The following AGPS variants were observed in gnomAD, a reference collection of about 807,000 sequenced individuals.
The protein encoded by AGPS is alkylglycerone phosphate synthase, also known as alkyldihydroxyacetonephosphate synthase, peroxisomal.
Under a neutral mutation model 90.7 loss-of-function variants are expected in AGPS, and 26 were observed. The observed-to-expected ratio is 0.29, with a 90% confidence interval of 0.21 to 0.40. The LOEUF is 0.40. Ranked by LOEUF, AGPS falls within the 10% of genes least tolerant of loss-of-function variation. AGPS has a pLI of 1.00. For missense variants in AGPS, 540 were observed against 816.1 expected (o/e 0.66, Z 4.12); for synonymous variants, 294 against 285.3 (o/e 1.03, Z -0.31).
chr2:177,444,437 A>AAAG (rs1553510559), intron 7 of AGPS, among the ~76,000 whole-genome samples: 5 of 149,894 alleles, frequency 3.3e-5, no homozygotes, highest in African/African-American at 5.0e-5. Flanking sequence ...AAAAAAAAAA[A>AAAG]AAAGAAAGAA....
chr2:177,503,874 GT>G (rs1688633252), intron 14 of AGPS, among the ~76,000 whole-genome samples: 1 of 152,064 alleles, frequency 6.6e-6, no homozygotes, highest in Non-Finnish European at 1.5e-5. Context: ...TTTCTCTGTG[GT>G]TTGTCTCCCT....
intron 8 of AGPS, among the ~76,000 whole-genome samples, chr2:177,451,473 A>G (rs185554470): frequency 5.5e-4 from 83 of 152,078 alleles, no homozygotes; most frequent in African/African-American, 1.9e-3. Context: ...ATAGATGACT[A>G]TGTTGTGTGT....
At chr2:177,394,963 G>GA (rs1337434923) in intron 1 of AGPS, among the ~76,000 whole-genome samples, 3 of 152,032 alleles carry the variant, frequency 2.0e-5, no homozygotes, top group Non-Finnish European at 4.4e-5. Context: ...ACTTAATTGA[G>GA]AAAATGCTAG....
chr2:177,435,895 A>G (rs1026849439), intron 3 of AGPS, among the ~76,000 whole-genome samples: 3 of 152,140 alleles, frequency 2.0e-5, no homozygotes, highest in African/African-American at 4.8e-5. Context: ...CACTATGGTG[A>G]CAATGTCATT....
intron 16 of AGPS, among the ~76,000 whole-genome samples, chr2:177,511,774 C>G (rs1230705920): frequency 6.6e-6 from 1 of 152,202 alleles, no homozygotes. Flanking sequence ...AGAATACTTT[C>G]AGAAACCTTT....
chr2:177,515,272 CTT>C (rs548661947), intron 17 of AGPS, among the ~76,000 whole-genome samples: 1 of 151,946 alleles, frequency 6.6e-6, no homozygotes. Context: ...TCATTTTTCT[CTT>C]GATAGCCCAG....
At chr2:177,401,161 G>A (rs1417108691) in intron 1 of AGPS, among the ~76,000 whole-genome samples, 4 of 152,146 alleles carry the variant, frequency 2.6e-5, no homozygotes, top group Non-Finnish European at 4.4e-5. Flanking sequence ...GGCACATGTG[G>A]CTAGTGATAT....
rs1050186887 is a variant in AGPS at position 177,542,434 on chromosome 2, C to G, written c.*4239C>G. The stretch of plus-strand genomic sequence containing the variant: ...CCTTAACAAATCAGAGTAAGGACCA[C>G]TGACATATAGAACCCTCAAGCCAAA... On this transcript the variant is annotated 3_prime_UTR_variant, in exon 20 of 20. Coordinates refer to ENST00000264167, the MANE Select transcript of AGPS (RefSeq NM_003659.4). 1.3e-5 allele frequency: 2 copies of G among 152,158 alleles called. No homozygotes were observed. Among genetic ancestry groups the G allele is most frequent in the Non-Finnish European group, 2.9e-5 (2 of 68,028 alleles). The allele number at this position is 152,158 out of a possible 1,614,324, so 9.4% of individuals were successfully genotyped here. A position where few individuals can be genotyped will look rare whatever the true frequency, so the allele number is the denominator to read the frequency against.
intron 12 of AGPS, among the ~76,000 whole-genome samples, chr2:177,496,398 G>C (rs1244427930): frequency 6.6e-6 from 1 of 152,046 alleles, no homozygotes; most frequent in Non-Finnish European, 1.5e-5. Context: ...TGAATGTTTT[G>C]ATGATACGTT....
chr2:177,437,137 C>T, intron 5 of AGPS, 83 bp downstream of exon 5: 1 of 1,299,114 alleles, frequency 7.7e-7, no homozygotes, highest in South Asian at 1.2e-5. Context: ...TACTTTTTGG[C>T]ATATGAGTTG....
At chr2:177,516,106 A>AT (rs1170302289) in intron 17 of AGPS, among the ~76,000 whole-genome samples, 6 of 152,202 alleles carry the variant, frequency 3.9e-5, no homozygotes, top group Non-Finnish European at 5.9e-5. Flanking sequence ...ATAGACCCCC[A>AT]TATCTAAAAT....
rs765895661 is a variant in AGPS, at chr2:177,538,126, T to C, written c.1908T>C (p.Phe636=). 4.2e-5 allele frequency: 68 copies of C among 1,613,086 alleles called. No homozygotes were observed. In the South Asian group the frequency reaches 4.3e-4, roughly 10 times the overall value. Residue 636 remains phenylalanine, a synonymous_variant, in exon 20 of 20, where the codon TTT becomes TTC. Coordinates refer to ENST00000264167, the MANE Select transcript of AGPS (RefSeq NM_003659.4). The part of the protein sequence containing the change: ...WLKESISDVG[F]GMLKSVKEYV... ...AGGAAAGTATCTCTGATGTCGGCTT[T>C]GGGATGCTGAAGTCTGTCAAGGAAT...
intron 8 of AGPS, among the ~76,000 whole-genome samples, chr2:177,452,444 A>T (rs1686979566): frequency 6.6e-6 from 1 of 152,286 alleles, no homozygotes; most frequent in East Asian, 1.9e-4. Context: ...TTTATGTGTG[A>T]TAACATGCTT....
chr2:177,445,430 A>T, intron 7 of AGPS, 116 bp from the exon 8 acceptor site: 1 of 859,288 alleles, frequency 1.2e-6, no homozygotes, highest in Non-Finnish European at 1.9e-6. Context: ...GGTTGAGGGG[A>T]ACCCTTCTTG....
rs559161721 is a variant in AGPS, at chr2:177,411,876, T to C, written c.261-8393T>C. Among the ~76,000 whole-genome samples the C allele has an allele frequency of 5.3e-5, 8 of 152,290 alleles. No homozygotes were observed. The East Asian group carries it at 1.5e-3, about 29-fold the overall frequency. On this transcript the variant is annotated intron_variant, in intron 1 of 19. Coordinates refer to ENST00000264167, the MANE Select transcript of AGPS (RefSeq NM_003659.4). ...GGCCAAGGAGCCAAGGCTTGGAGAT[T>C]GTATTGCAGAGGGATAAGCTGGGTA... is the stretch of plus-strand genomic sequence containing the variant.
At chr2:177,482,837 T>G (rs541133278) in intron 11 of AGPS, among the ~76,000 whole-genome samples, 5 of 152,250 alleles carry the variant, frequency 3.3e-5, no homozygotes, top group African/African-American at 4.8e-5. Context: ...TTTATGTATT[T>G]AGTTCTGTCA....
chr2:177,409,746 A>C (rs972745297), intron 1 of AGPS, among the ~76,000 whole-genome samples: 8 of 152,150 alleles, frequency 5.3e-5, no homozygotes, highest in Admixed American at 3.9e-4. Flanking sequence ...AGGCCGGTCT[A>C]GGGGTCCGCA....
At chr2:177,516,496 C>CTA (rs1689026818) in intron 17 of AGPS, among the ~76,000 whole-genome samples, 1 of 152,046 alleles carries the variant, frequency 6.6e-6, no homozygotes, top group Non-Finnish European at 1.5e-5. Context: ...TAGAGTTGAT[C>CTA]TATTGTAAAA....
intron 12 of AGPS, among the ~76,000 whole-genome samples, chr2:177,495,978 T>C (rs1365857446): frequency 6.6e-6 from 1 of 151,254 alleles, no homozygotes; most frequent in African/African-American, 2.4e-5. Flanking sequence ...AATGTAATTA[T>C]ATTGTTAGGC....
Sources: allele counts gnomAD v4.1 joint callset (sites outside exome capture counted in the v4.1 genomes callset), GRCh38; gene constraint gnomAD v4.1.1; transcripts MANE v1.5; gene names NCBI Gene and HGNC (gene_info 2026-07-23, HGNC 2026-07-21).